Variants in YBX2 observed in about 807,000 individuals in gnomAD.
YBX2 encodes Y-box-binding protein 2.
A neutral mutation model predicts 44.4 loss-of-function variants in YBX2; 5 were observed. The observed-to-expected ratio is 0.11, with a 90% CI of 0.06 to 0.24. YBX2 has a LOEUF of 0.24. Among genes scored for constraint, YBX2 ranks in the 10% least tolerant of loss-of-function variants. The pLI is 1.00. For missense variants in YBX2, 417 were observed against 526.9 expected, an observed-to-expected ratio of 0.79 and a Z score of 2.04; for synonymous variants, 188 against 216.1, an observed-to-expected ratio of 0.87 and a Z score of 1.14.
At position 7,294,580 on chromosome 17, in the gene YBX2, T is replaced by C; in HGVS notation, c.-80A>G. 4 of 1,250,970 alleles carry C rather than the reference T, an allele frequency of 3.2e-6. No homozygotes were observed. The highest frequency in any genetic ancestry group is 4.0e-6 in the Non-Finnish European group (4 of 1,000,046). The allele number at this position is 1,250,970 out of a possible 1,614,324, so 77.5% of individuals were successfully genotyped here. On this transcript the variant is annotated 5_prime_UTR_variant, in exon 1 of 9. Transcript: ENST00000007699. The surrounding 1 kb of genome is among the most constrained non-coding windows in gnomAD (Gnocchi z 4.6). ...CTCGCGAACCCACCGCCCTGCTCGG[T>C]CCTCGCGCCCCGAGCCTCGCCCACA...
chr17:7,293,646 T>G, intron 1 of YBX2, 108 bp from the exon 2 acceptor site: 1 of 1,572,522 alleles, frequency 6.4e-7, no homozygotes, highest in African/African-American at 1.4e-5. Flanking sequence ...ACTGCCTTAT[T>G]ACCTATTCAG....
Position 7,288,972 on chromosome 17 carries a change from C to T in YBX2, c.1045-134G>A, listed in dbSNP as rs1348002218. The T allele has an allele frequency of 1.0e-4, 115 of 1,111,168 alleles. 1 individual carries two copies. Among genetic ancestry groups the T allele is most frequent in the Non-Finnish European group, 1.5e-4 (111 of 757,758 alleles). 68.8% of individuals were successfully genotyped at this position (1,111,168 alleles called of 1,614,324 possible). ...CCCCCTCCCAGTTCAAGTGATTCTC[C>T]TGCCTTAGCCTCCCAAGTAGCTGGG... On this transcript the variant is annotated intron_variant, in intron 7 of 8. Coordinates refer to ENST00000007699, the MANE Select transcript of YBX2 (RefSeq NM_015982.4).
At chr17:7,290,639 CT>C in intron 4 of YBX2, 104 bp from the exon 5 acceptor site, 13 of 1,370,688 alleles carry the variant, frequency 9.5e-6, no homozygotes, top group Non-Finnish European at 1.3e-5. Context: ...TCCAGCTTTC[CT>C]TTAGCTCCTC....
chr17:7,294,162 G>C lies in YBX2; in HGVS notation c.271+68C>G. On this transcript the variant is annotated intron_variant, in intron 1 of 8. Coordinates refer to ENST00000007699, the MANE Select transcript of YBX2 (RefSeq NM_015982.4). This position sits in a 1 kb window ranked among gnomAD's most constrained non-coding sequence, Gnocchi z 4.6. ...GCCTTTGGTTTTCCGGATCCTGCCG[G>C]GCTCCACACTGCCCCTCCCCCAGCC... The C allele has an allele frequency of 8.1e-7, 1 of 1,239,100 alleles. No homozygotes were observed. Among genetic ancestry groups the C allele is most frequent in the East Asian group, 3.2e-5 (1 of 31,304 alleles). 76.8% of individuals were successfully genotyped at this position (1,239,100 alleles called of 1,614,324 possible).
intron 1 of YBX2, 149 bp from the exon 2 acceptor site, chr17:7,293,687 T>C: frequency 6.8e-7 from 1 of 1,476,656 alleles, no homozygotes; most frequent in South Asian, 1.3e-5. Context: ...GTTTCACTAG[T>C]AGCTTCAAGG....
intron 4 of YBX2, 142 bp from the exon 5 acceptor site, chr17:7,290,677 G>A (rs894214846): frequency 2.1e-5 from 22 of 1,038,290 alleles, no homozygotes; most frequent in African/African-American, 6.5e-5. Context: ...TCCCTGGAGA[G>A]GCAGTGGAAT....
Position 7,290,337 on chromosome 17 carries a change from G to T in YBX2, c.658C>A (p.Pro220Thr). 6.2e-7 allele frequency: 1 copy of T among 1,613,924 alleles called. No individual in the cohort carries two copies. Residue 220 changes from proline to threonine, a missense_variant, in exon 5 of 9, where the codon CCC (proline) becomes ACC (threonine). Pro to Thr is a conservative substitution (Grantham distance 38). This residue lies in a region of YBX2 where 257 missense variants were observed against 261.7 expected (regional missense o/e 0.98). Coordinates refer to ENST00000007699, the MANE Select transcript of YBX2 (RefSeq NM_015982.4). ...GERAEDSGQR[P>T]RRWCPPPFFY... ...AAGGGTGGGGGGCACCATCGTCGGG[G>T]CCGTTGCCCAGAGTCTTCAGCCCGC...
At position 7,291,257 on chromosome 17, in the gene YBX2, C is replaced by T. The variant is rs1273785980; in HGVS notation, c.370-75G>A. On this transcript the variant is annotated intron_variant, in intron 3 of 8. Coordinates refer to ENST00000007699, the MANE Select transcript of YBX2 (RefSeq NM_015982.4). The surrounding 1 kb of genome is among the most constrained non-coding windows in gnomAD (Gnocchi z 5.8). The stretch of plus-strand genomic sequence containing the variant: ...TCTGTCACCCCTGCTGGGGCCACCA[C>T]CCAATTTCATTCTTTCAACATTTGA... The T allele has an allele frequency of 7.1e-7, 1 of 1,416,548 alleles. No homozygotes were observed. The highest frequency in any genetic ancestry group is 9.9e-7 in the Non-Finnish European group (1 of 1,005,332). The allele number at this position is 1,416,548 out of a possible 1,614,324, so 87.7% of individuals were successfully genotyped here. A position where few individuals can be genotyped will look rare whatever the true frequency, so the allele number is the denominator to read the frequency against.
Position 7,294,382 on chromosome 17 carries a change from C to T in YBX2, c.119G>A (p.Gly40Asp), listed in dbSNP as rs2072524802. Residue 40 changes from glycine (G) to aspartate (D), a missense_variant, in exon 1 of 9, where the codon GGC becomes GAC. By Grantham distance (94) the Gly-to-Asp change is moderately conservative (BLOSUM62 -1). Coordinates refer to ENST00000007699, the MANE Select transcript of YBX2 (RefSeq NM_015982.4). The surrounding 1 kb of genome is among the most constrained non-coding windows in gnomAD (Gnocchi z 4.6). The part of the protein sequence containing the change: ...VPVPAGEPQK[G>D]GGAGGGGGAA... Reference sequence around the variant, plus strand: ...TCCGCCCCCGCCGCCCGCCCCGCCGCCTTTCTGCGGCTCCCCTGCGGGCAC... The same window carrying T: ...TCCGCCCCCGCCGCCCGCCCCGCCGTCTTTCTGCGGCTCCCCTGCGGGCAC... 7.0e-7 allele frequency: 1 copy of T among 1,425,404 alleles called. No individual in the cohort carries two copies. The highest frequency in any genetic ancestry group is 9.2e-7 in the Non-Finnish European group (1 of 1,089,520). 88.3% of individuals were successfully genotyped at this position (1,425,404 alleles called of 1,614,324 possible).
chr17:7,293,542 C>T lies in YBX2; in HGVS notation c.272-4G>A. ...ACAGTGCCCAGGACTTGGATTGCTG[C>T]CAGGCAGAGATGCAGTGGGGACAGT... On this transcript the variant is annotated splice_polypyrimidine_tract_variant and splice_region_variant and intron_variant, in intron 1 of 8. Transcript: ENST00000007699. The T allele has an allele frequency of 6.2e-7, 1 of 1,614,042 alleles. No individual in the cohort carries two copies. Among genetic ancestry groups the T allele is most frequent in the Non-Finnish European group, 8.5e-7 (1 of 1,180,004 alleles).
Position 7,294,433 on chromosome 17 carries a change from G to A in YBX2, c.68C>T (p.Ala23Val). ...CGGTACCACCACCGCTACCACCCCT[G>A]CCGCCGTCGCGGGCACCGTCGCCGC... ...VPAATVPATA[A>V]GVVAVVVPVP... The change falls in exon 1 of 9, where the codon GCA becomes GTA. Residue 23 changes from alanine (A) to valine (V), a missense_variant. By Grantham distance (64) the Ala-to-Val change is moderately conservative. Around this residue, in one of 3 missense-constraint regions of YBX2, gnomAD observed 121 missense variants for 141.3 expected, o/e 0.86. Transcript: ENST00000007699. This position sits in a 1 kb window ranked among gnomAD's most constrained non-coding sequence, Gnocchi z 4.6. The A allele has an allele frequency of 6.8e-7, 1 of 1,473,218 alleles. No individual in the cohort carries two copies. Among genetic ancestry groups the A allele is most frequent in the Non-Finnish European group, 9.0e-7 (1 of 1,115,446 alleles). The allele number at this position is 1,473,218 out of a possible 1,614,324, so 91.3% of individuals were successfully genotyped here. A position where few individuals can be genotyped will look rare whatever the true frequency, so the allele number is the denominator to read the frequency against.
At position 7,290,074 on chromosome 17, in the gene YBX2, G is replaced by A. The variant is rs2072489666; in HGVS notation, c.745-3C>T. 1 of 1,614,224 alleles carries A rather than the reference G, an allele frequency of 6.2e-7. No homozygotes were observed. The highest frequency in any genetic ancestry group is 1.1e-5 in the South Asian group (1 of 91,092). ...TTGGGTTCTACCCTGTCAGTGCCCTGGGAACATGCAAAGGCCCCGGTGAGC... is the reference window on the plus strand; with the variant it reads ...TTGGGTTCTACCCTGTCAGTGCCCTAGGAACATGCAAAGGCCCCGGTGAGC... On this transcript the variant is annotated splice_polypyrimidine_tract_variant and splice_region_variant and intron_variant, in intron 5 of 8. Coordinates refer to ENST00000007699, the MANE Select transcript of YBX2 (RefSeq NM_015982.4).
In YBX2 at chr17:7,291,804, G is replaced by C. The variant is rs2072503360; in HGVS notation, c.369+222C>G. On this transcript the variant is annotated intron_variant, in intron 3 of 8. Coordinates refer to ENST00000007699, the MANE Select transcript of YBX2 (RefSeq NM_015982.4). The surrounding 1 kb of genome is among the most constrained non-coding windows in gnomAD (Gnocchi z 5.8). Reference sequence around the variant, plus strand: ...CCTGGAGTGTTAACAGGTCCCGGTGGGTAGTAAGCGTGCCATGCCCAGGGG... The same window carrying C: ...CCTGGAGTGTTAACAGGTCCCGGTGCGTAGTAAGCGTGCCATGCCCAGGGG... The C allele has an allele frequency of 3.4e-6, 2 of 595,832 alleles. No homozygotes were observed. The highest frequency in any genetic ancestry group is 5.5e-5 in the Admixed American group (2 of 36,428). 36.9% of individuals were successfully genotyped at this position (595,832 alleles called of 1,614,324 possible). A position where few individuals can be genotyped will look rare whatever the true frequency, so the allele number is the denominator to read the frequency against.
At chr17:7,290,593 C>T (rs948530819) in intron 4 of YBX2, 58 bp from the exon 5 acceptor site, 7 of 1,578,506 alleles carry the variant, frequency 4.4e-6, no homozygotes, top group Non-Finnish European at 5.2e-6. Context: ...GTGCATTTCC[C>T]AACTTGCTTC....
chr17:7,294,560 GA>G lies in YBX2; in HGVS notation c.-61del. 1 of 1,370,204 alleles carries G rather than the reference GA, an allele frequency of 7.3e-7. No individual in the cohort carries two copies. The highest frequency in any genetic ancestry group is 9.4e-7 in the Non-Finnish European group (1 of 1,061,824). 84.9% of individuals were successfully genotyped at this position (1,370,204 alleles called of 1,614,324 possible). A position where few individuals can be genotyped will look rare whatever the true frequency, so the allele number is the denominator to read the frequency against. ...GCCCCGGCCCCTCCCCCCGGCTCGC[GA>G]ACCCACCGCCCTGCTCGGTCCTCGC... On this transcript the variant is annotated 5_prime_UTR_variant, in exon 1 of 9. Transcript: ENST00000007699. This position sits in a 1 kb window ranked among gnomAD's most constrained non-coding sequence, Gnocchi z 4.6.
chr17:7,289,662 G>T lies in YBX2; in HGVS notation c.912C>A (p.Pro304=). The T allele has an allele frequency of 6.2e-7, 1 of 1,614,112 alleles. No individual in the cohort carries two copies. The highest frequency in any genetic ancestry group is 8.5e-7 in the Non-Finnish European group (1 of 1,180,006). Residue 304 remains proline, a synonymous_variant, in exon 7 of 9, where the codon CCC becomes CCA. Coordinates refer to ENST00000007699, the MANE Select transcript of YBX2 (RefSeq NM_015982.4). ...GGGAACCATCAGCGGGACCTTGGCT[G>T]GGCTTGGTCTCACCATCCCCACCTT... ...TTEGGDGETK[P]SQGPADGSRP...
intron 4 of YBX2, 115 bp from the exon 5 acceptor site, chr17:7,290,650 C>T: frequency 3.1e-6 from 4 of 1,278,458 alleles, no homozygotes. Context: ...TTTAGCTCCT[C>T]TAACTTCTTT....
intron 1 of YBX2, chr17:7,293,839 A>T: frequency 1.8e-6 from 1 of 555,232 alleles, no homozygotes; most frequent in Non-Finnish European, 3.2e-6. Flanking sequence ...TGGTCTGCAA[A>T]GTGCCGCCCC....
At chr17:7,288,664 G>T in intron 8 of YBX2, 21 bp from the exon 9 acceptor site, 1 of 1,152,722 alleles carries the variant, frequency 8.7e-7, no homozygotes, top group Non-Finnish European at 1.3e-6. Context: ...AAAGGAAATG[G>T]ACGGATTGTG....
Sources: allele counts gnomAD v4.1 joint callset, GRCh38; gene constraint gnomAD v4.1.1; regional missense constraint gnomAD v4.1.1; non-coding constraint Gnocchi (gnomAD v3.1); transcripts MANE v1.5; gene names NCBI Gene and HGNC (gene_info 2026-07-23, HGNC 2026-07-21).